Variants in NDFIP2 observed in about 807,000 individuals in gnomAD.
NDFIP2 encodes Nedd4 family interacting protein 2, also known as NEDD4 family-interacting protein 2.
Under a neutral mutation model 36.0 loss-of-function variants are expected in NDFIP2, and 19 were observed. The observed-to-expected ratio is 0.53, with a 90% CI of 0.37 to 0.77. The LOEUF is 0.77. Ranked by LOEUF, NDFIP2 falls within the 30% of genes least tolerant of loss-of-function variation. The pLI is 0.00. For missense variants in NDFIP2, 446 were observed against 435.8 expected (o/e 1.02, Z -0.21); for synonymous variants, 181 against 167.7 (o/e 1.08, Z -0.61).
At chr13:79,538,380 A>G (rs1414187834) in intron 3 of NDFIP2, among the ~76,000 whole-genome samples, 16 of 152,130 alleles carry the variant, frequency 1.1e-4, no homozygotes, top group Admixed American at 1.0e-3. Context: ...AGAGTCAACA[A>G]TCCAAAGCCT....
rs1873566057 is a variant in NDFIP2, at chr13:79,499,309, T to C, written c.321+17785T>C. On this transcript the variant is annotated intron_variant, in intron 1 of 7. Coordinates refer to ENST00000218652, the MANE Select transcript of NDFIP2 (RefSeq NM_019080.3). The stretch of plus-strand genomic sequence containing the variant: ...AATGAGAAACTGAAAGTTTTCCTGA[T>C]TAGAACAAGAACCAGGCAAGGATGT... Among the ~76,000 whole-genome samples, 4 of 152,092 alleles carry C rather than the reference T, an allele frequency of 2.6e-5. No homozygotes were observed. In the South Asian group the frequency reaches 8.3e-4, roughly 31 times the overall value.
chr13:79,497,276 A>C (rs1288885759), intron 1 of NDFIP2, among the ~76,000 whole-genome samples: 1 of 151,982 alleles, frequency 6.6e-6, no homozygotes. Context: ...CTACATGTGC[A>C]TGGCTTAAGG....
At chr13:79,517,670 G>T (rs1272390464) in intron 1 of NDFIP2, among the ~76,000 whole-genome samples, 1 of 152,196 alleles carries the variant, frequency 6.6e-6, no homozygotes, top group East Asian at 1.9e-4. Flanking sequence ...AAAACCGTAG[G>T]TGTTAGCTAG....
rs1327659550 is a variant in NDFIP2 at position 79,481,270 on chromosome 13, G to A, written c.67G>A (p.Ala23Thr). Reference protein sequence around the residue: ...GPSMLNSARGAPELLRGTATN... With the variant: ...GPSMLNSARGTPELLRGTATN... ...GAGCATGCTCAATAGCGCGCGCGGC[G>A]CCCCGGAGCTTCTCCGCGGAACCGC... The change falls in exon 1 of 8, where the codon GCC becomes ACC. Residue 23 changes from alanine to threonine, a missense_variant. By Grantham distance (58) the Ala-to-Thr change is moderately conservative. Transcript: ENST00000218652. The A allele has an allele frequency of 6.5e-7, 1 of 1,536,704 alleles. No individual in the cohort carries two copies. The highest frequency in any genetic ancestry group is 8.7e-7 in the Non-Finnish European group (1 of 1,146,014).
At chr13:79,519,959 C>A (rs1874503187) in intron 1 of NDFIP2, among the ~76,000 whole-genome samples, 1 of 152,068 alleles carries the variant, frequency 6.6e-6, no homozygotes, top group Non-Finnish European at 1.5e-5. Context: ...CGACACCACA[C>A]TCAGCTAATT....
chr13:79,481,688 C>G (rs1263368361), intron 1 of NDFIP2, among the ~76,000 whole-genome samples, 164 bp downstream of exon 1: 1 of 152,074 alleles, frequency 6.6e-6, no homozygotes, highest in Admixed American at 6.6e-5. Flanking sequence ...CTCGCCTCAC[C>G]TGCGCACTCC....
intron 7 of NDFIP2, among the ~76,000 whole-genome samples, 178 bp downstream of exon 7, chr13:79,551,300 CTT>C (rs548038672): frequency 1.2e-4 from 18 of 151,400 alleles, no homozygotes; most frequent in African/African-American, 2.9e-4. Flanking sequence ...TTTTAGATAA[CTT>C]TTAGATTTTT....
chr13:79,546,951 C>T (rs1875704782), intron 5 of NDFIP2, among the ~76,000 whole-genome samples: 1 of 151,904 alleles, frequency 6.6e-6, no homozygotes, highest in Admixed American at 6.6e-5. Context: ...CAAGTCCCTC[C>T]TTCATTGTAC....
intron 2 of NDFIP2, among the ~76,000 whole-genome samples, chr13:79,524,826 C>T (rs1331725962): frequency 6.6e-6 from 1 of 152,206 alleles, no homozygotes; most frequent in Non-Finnish European, 1.5e-5. Context: ...ATGCTTGGCT[C>T]TGTCATATGC....
At chr13:79,481,704 A>G (rs1488888704) in intron 1 of NDFIP2, among the ~76,000 whole-genome samples, 180 bp downstream of exon 1, 1 of 152,006 alleles carries the variant, frequency 6.6e-6, no homozygotes, top group South Asian at 2.1e-4. Context: ...ACTCCTGCCT[A>G]GGACTCCTTC....
At chr13:79,508,212 G>A (rs960957636) in intron 1 of NDFIP2, among the ~76,000 whole-genome samples, 17 of 152,106 alleles carry the variant, frequency 1.1e-4, no homozygotes, top group Admixed American at 3.3e-4. Flanking sequence ...GAACATTCTT[G>A]TACATGCCTC....
Position 79,481,199 on chromosome 13 carries a change from C to A in NDFIP2, c.-5C>A, listed in dbSNP as rs1566650518. On this transcript the variant is annotated 5_prime_UTR_variant, in exon 1 of 8. Transcript: ENST00000218652. ...CCCAGCTATACCCTCCCACTGGCGG[C>A]GCGGATGGCACGCCGGCGGAGCCAG... The A allele has an allele frequency of 2.7e-6, 4 of 1,501,452 alleles. No individual in the cohort carries two copies. The highest frequency in any genetic ancestry group is 1.3e-5 in the South Asian group (1 of 78,204). 93.0% of individuals were successfully genotyped at this position (1,501,452 alleles called of 1,614,324 possible). A position where few individuals can be genotyped will look rare whatever the true frequency, so the allele number is the denominator to read the frequency against.
chr13:79,516,609 G>T lies in NDFIP2; in HGVS notation c.322-4201G>T, dbSNP rs113193484. 5.9e-5 allele frequency among the ~76,000 whole-genome samples: 9 copies of T among 152,198 alleles called. 2 individuals are homozygous for T. The highest frequency in any genetic ancestry group is 2.2e-4 in the African/African-American group (9 of 41,514). On this transcript the variant is annotated intron_variant, in intron 1 of 7. Coordinates refer to ENST00000218652, the MANE Select transcript of NDFIP2 (RefSeq NM_019080.3). ...TGCTAAATATAGTAATAATATGATAGTATACATATTCATTGGTTTTTTAGA... is the reference window on the plus strand; with the variant it reads ...TGCTAAATATAGTAATAATATGATATTATACATATTCATTGGTTTTTTAGA...
intron 1 of NDFIP2, among the ~76,000 whole-genome samples, chr13:79,513,308 A>G (rs1282629925): frequency 6.6e-6 from 1 of 152,240 alleles, no homozygotes; most frequent in East Asian, 1.9e-4. Flanking sequence ...AACACACAGC[A>G]TAGTCACCAG....
intron 1 of NDFIP2, among the ~76,000 whole-genome samples, chr13:79,509,690 T>TATATAGAG (rs113326163): frequency 4.8e-4 from 71 of 147,918 alleles, no homozygotes; most frequent in South Asian, 1.8e-3. Flanking sequence ...TATATATATA[T>TATATAGAG]AGAGAGAGAG....
At chr13:79,521,922 T>G (rs949387395) in intron 2 of NDFIP2, among the ~76,000 whole-genome samples, 7 of 151,782 alleles carry the variant, frequency 4.6e-5, no homozygotes, top group African/African-American at 1.7e-4. Context: ...CCTTCCAGGT[T>G]CACGCCATTC....
intron 2 of NDFIP2, among the ~76,000 whole-genome samples, chr13:79,529,255 A>C (rs1874916886): frequency 6.6e-6 from 1 of 152,204 alleles, no homozygotes; most frequent in African/African-American, 2.4e-5. Context: ...GGTAGATAAA[A>C]ATAAGTAAAA....
intron 7 of NDFIP2, 111 bp downstream of exon 7, chr13:79,551,233 A>G (rs749413291): frequency 3.1e-5 from 15 of 490,674 alleles, no homozygotes; most frequent in Non-Finnish European, 5.0e-5. Flanking sequence ...TAGCATATTT[A>G]ATATTTTTTA....
chr13:79,481,219 A>AGCTC lies in NDFIP2; in HGVS notation c.18_19insTCGC (p.Gln7SerfsTer14). The AGCTC allele has an allele frequency of 6.6e-7, 1 of 1,514,196 alleles. No homozygotes were observed. The highest frequency in any genetic ancestry group is 8.8e-7 in the Non-Finnish European group (1 of 1,137,964). The allele number at this position is 1,514,196 out of a possible 1,614,324, so 93.8% of individuals were successfully genotyped here. On this transcript the variant is annotated frameshift_variant, in exon 1 of 8. Coordinates refer to ENST00000218652, the MANE Select transcript of NDFIP2 (RefSeq NM_019080.3). LOFTEE classifies it high-confidence loss of function. ...GGCGGCGCGGATGGCACGCCGGCGG[A>AGCTC]GCCAGCGAGTCTGCGCGAGCGGTCC...
Sources: gnomAD v4.1 joint callset for allele counts (sites outside exome capture counted in the v4.1 genomes callset) on GRCh38, gnomAD v4.1.1 for gene constraint, MANE v1.5 for transcripts, NCBI Gene and HGNC (gene_info 2026-07-23, HGNC 2026-07-21) for gene names.